FAT3: variants seen among roughly 807,000 people sequenced by gnomAD.
FAT3 encodes protocadherin Fat 3.
A neutral mutation model predicts 310.2 loss-of-function variants in FAT3; 95 were observed. That is an observed-to-expected ratio of 0.31 (90% CI 0.26 to 0.36). The LOEUF (loss-of-function observed/expected upper bound fraction) is 0.36, where lower values mean the gene tolerates loss of function less well. Among genes scored for constraint, FAT3 ranks in the 10% least tolerant of loss-of-function variants. The pLI is 1.00. For synonymous variants in FAT3, 2,314 were observed against 2,192.9 expected, an observed-to-expected ratio of 1.06 and a Z score of -1.54; for missense variants, 5,408 against 5,715.6, an observed-to-expected ratio of 0.95 and a Z score of 1.74.
chr11:92,722,969 G>C (rs1944906486), intron 4 of FAT3, among the ~76,000 whole-genome samples: 1 of 152,162 alleles, frequency 6.6e-6, no homozygotes. Flanking sequence ...GGGAGGGACT[G>C]CCTTGAAGAC....
chr11:92,797,940 G>A lies in FAT3; in HGVS notation c.4927G>A (p.Val1643Ile). 1 of 1,613,898 alleles carries A rather than the reference G, an allele frequency of 6.2e-7. No homozygotes were observed. The highest frequency in any genetic ancestry group is 1.1e-5 in the South Asian group (1 of 91,076). ...TMGQFVLSIK[V>I]TDQGSPPMSA... ...GGGTCAGTTTGTCCTATCCATCAAA[G>A]TCACAGATCAGGGATCCCCGCCAAT... Residue 1643 changes from valine (V) to isoleucine (I), a missense_variant, in exon 10 of 28, where the codon GTC (valine) becomes ATC (isoleucine). Coordinates refer to ENST00000525166, the MANE Select transcript of FAT3 (RefSeq NM_001367949.2).
intron 22 of FAT3, among the ~76,000 whole-genome samples, chr11:92,877,976 C>T (rs1027079401): frequency 1.3e-5 from 2 of 152,188 alleles, no homozygotes; most frequent in Non-Finnish European, 2.9e-5. Flanking sequence ...GTATATATTG[C>T]TTTCACACCT....
intron 1 of FAT3, among the ~76,000 whole-genome samples, chr11:92,318,364 A>G (rs925501728): frequency 2.0e-5 from 3 of 152,106 alleles, no homozygotes; most frequent in African/African-American, 4.8e-5. Flanking sequence ...GCATTCTCTC[A>G]TTTTTGTAGC....
At chr11:92,236,488 A>G (rs1452959862) in intron 1 of FAT3, among the ~76,000 whole-genome samples, 1 of 152,146 alleles carries the variant, frequency 6.6e-6, no homozygotes, top group Admixed American at 6.5e-5. Flanking sequence ...ATGTCCTACT[A>G]CAAAAAATAT....
At chr11:92,254,905 C>T (rs1018382923) in intron 1 of FAT3, among the ~76,000 whole-genome samples, 3 of 151,580 alleles carry the variant, frequency 2.0e-5, no homozygotes, top group Non-Finnish European at 2.9e-5. Flanking sequence ...CGGTTTTCAC[C>T]GTGTTAGCCA....
intron 3 of FAT3, among the ~76,000 whole-genome samples, chr11:92,542,523 G>T (rs887975729): frequency 2.6e-5 from 4 of 151,762 alleles, no homozygotes; most frequent in African/African-American, 4.8e-5. Flanking sequence ...TTAGAAAATG[G>T]ACAAAAGACC....
chr11:92,557,507 C>G (rs1490269638), intron 3 of FAT3, among the ~76,000 whole-genome samples: 1 of 152,160 alleles, frequency 6.6e-6, no homozygotes, highest in African/African-American at 2.4e-5. Context: ...GACCAACTCT[C>G]AAGCCAGAAG....
intron 1 of FAT3, among the ~76,000 whole-genome samples, chr11:92,287,865 G>T (rs1366808910): frequency 6.6e-6 from 1 of 152,084 alleles, no homozygotes; most frequent in Non-Finnish European, 1.5e-5. Context: ...GATCACATTG[G>T]AATGGTCATA....
At chr11:92,614,201 C>T (rs1395555865) in intron 3 of FAT3, among the ~76,000 whole-genome samples, 1 of 152,132 alleles carries the variant, frequency 6.6e-6, no homozygotes, top group Admixed American at 6.5e-5. Flanking sequence ...AATAATACTG[C>T]TATGAACATT....
rs116307291 is a variant in FAT3 at position 92,485,557 on chromosome 11, C to T, written c.3293-39077C>T. On this transcript the variant is annotated intron_variant, in intron 2 of 27. Coordinates refer to ENST00000525166, the MANE Select transcript of FAT3 (RefSeq NM_001367949.2). ...CCAAATCCAATAGATTACACAGAAA[C>T]GAAAGGGCCTAAATACCAAGTTAGT... Among the ~76,000 whole-genome samples the T allele has an allele frequency of 2.1e-3, 324 of 152,202 alleles. 1 individual carries two copies. Among genetic ancestry groups the T allele is most frequent in the African/African-American group, 7.1e-3 (294 of 41,520 alleles).
intron 13 of FAT3, among the ~76,000 whole-genome samples, chr11:92,815,920 A>T (rs1285896715): frequency 2.0e-5 from 3 of 152,238 alleles, no homozygotes; most frequent in African/African-American, 7.2e-5. Flanking sequence ...GCACAACAAG[A>T]TTCCAAGAAA....
intron 3 of FAT3, among the ~76,000 whole-genome samples, chr11:92,670,630 T>C (rs1466209232): frequency 6.6e-6 from 1 of 152,198 alleles, no homozygotes; most frequent in Non-Finnish European, 1.5e-5. Context: ...ATGACACAAG[T>C]TTCCTGAATT....
Position 92,352,926 on chromosome 11 carries a change from G to C in FAT3, c.814G>C (p.Val272Leu). The C allele has an allele frequency of 6.2e-7, 1 of 1,613,926 alleles. No homozygotes were observed. The highest frequency in any genetic ancestry group is 8.5e-7 in the Non-Finnish European group (1 of 1,179,882). The change falls in exon 2 of 28, where the codon GTT (valine) becomes CTT (leucine). Residue 272 changes from valine (V) to leucine (L), a missense_variant. Val to Leu is a conservative substitution (Grantham distance 32). Coordinates refer to ENST00000525166, the MANE Select transcript of FAT3 (RefSeq NM_001367949.2). The part of the protein sequence containing the change: ...HAPTIHVVTH[V>L]PFSLEKEPTY... ...CCCAACAATCCATGTAGTCACTCAT[G>C]TTCCTTTCTCGTTGGAAAAAGAGCC...
intron 1 of FAT3, among the ~76,000 whole-genome samples, chr11:92,343,839 A>C (rs1948338764): frequency 1.3e-5 from 2 of 152,198 alleles, no homozygotes; most frequent in African/African-American, 2.4e-5. Context: ...GAAAGTCTTC[A>C]GAATCTTGGG....
chr11:92,771,161 A>T (rs1247313247), intron 6 of FAT3, among the ~76,000 whole-genome samples: 1 of 151,506 alleles, frequency 6.6e-6, no homozygotes, highest in Non-Finnish European at 1.5e-5. Context: ...CCTCCTCCCC[A>T]CCTTTTGTTG....
intron 1 of FAT3, among the ~76,000 whole-genome samples, chr11:92,283,862 A>C (rs183857565): frequency 6.6e-6 from 1 of 152,198 alleles, no homozygotes; most frequent in East Asian, 1.9e-4. Flanking sequence ...CAAACACCTT[A>C]AATTTTAGAA....
intron 19 of FAT3, among the ~76,000 whole-genome samples, chr11:92,853,480 G>T (rs957061742): frequency 6.6e-6 from 1 of 152,190 alleles, no homozygotes; most frequent in East Asian, 1.9e-4. Flanking sequence ...GAGAGCAGGG[G>T]AGGTGTTTTT....
chr11:92,716,043 A>C (rs1944672993), intron 4 of FAT3, among the ~76,000 whole-genome samples: 1 of 152,162 alleles, frequency 6.6e-6, no homozygotes, highest in Non-Finnish European at 1.5e-5. Context: ...ATATACAAAG[A>C]CAGTTTATCT....
At chr11:92,578,870 TATATC>T (rs1338763410) in intron 3 of FAT3, among the ~76,000 whole-genome samples, 3 of 151,990 alleles carry the variant, frequency 2.0e-5, no homozygotes, top group Non-Finnish European at 4.4e-5. Context: ...GATCGTCTAA[TATATC>T]ATAAAAAAAA....
Sources: allele counts gnomAD v4.1 joint callset (sites outside exome capture counted in the v4.1 genomes callset), GRCh38; gene constraint gnomAD v4.1.1; transcripts MANE v1.5; gene names NCBI Gene and HGNC (gene_info 2026-07-23, HGNC 2026-07-21).